IQANK1: variants seen among roughly 807,000 people sequenced by gnomAD.
IQANK1 encodes IQ motif and ankyrin repeat containing 1, also known as IQ motif and ankyrin repeat domain-containing protein 1.
IQANK1 carries 30 observed loss-of-function variants against 22.6 expected under a neutral mutation model. The observed-to-expected ratio is 1.33, with a 90% CI of 0.99 to 1.80. The LOEUF is 1.80. IQANK1 is among the 40% of genes most tolerant of loss of function. IQANK1 has a pLI of 0.00. For missense variants in IQANK1, 275 were observed against 235.2 expected, an observed-to-expected ratio of 1.17 and a Z score of -1.11; for synonymous variants, 122 against 99.6, an observed-to-expected ratio of 1.23 and a Z score of -1.34.
At chr8:143,768,966 C>T (rs1819526293) in intron 3 of IQANK1, among the ~76,000 whole-genome samples, 1 of 152,058 alleles carries the variant, frequency 6.6e-6, no homozygotes, top group African/African-American at 2.4e-5. Context: ...GATTCTGACC[C>T]AAATAGGGCT....
chr8:143,766,244 C>CT (rs1346111816), intron 3 of IQANK1, among the ~76,000 whole-genome samples: 4 of 152,168 alleles, frequency 2.6e-5, no homozygotes, highest in African/African-American at 9.7e-5. Context: ...GTGCTGCTGC[C>CT]TTTTTTCTTA....
rs1819576747 is a variant in IQANK1, at chr8:143,771,675, G to A, written c.306+57G>A. On this transcript the variant is annotated intron_variant, in intron 4 of 13. Transcript: ENST00000527139. This position sits in a 1 kb window ranked among gnomAD's most constrained non-coding sequence, Gnocchi z 6.0. ...CAGGCAGGAGGCAGGGGGAGGAAATGGCGAAGCAGGGTGCGTGGTGGGGGT... is the reference window on the plus strand; with the variant it reads ...CAGGCAGGAGGCAGGGGGAGGAAATAGCGAAGCAGGGTGCGTGGTGGGGGT... 5.0e-6 allele frequency: 2 copies of A among 399,180 alleles called. No individual in the cohort carries two copies. The highest frequency in any genetic ancestry group is 2.1e-5 in the African/African-American group (1 of 48,532). The allele number at this position is 399,180 out of a possible 1,614,324, so 24.7% of individuals were successfully genotyped here.
intron 2 of IQANK1, among the ~76,000 whole-genome samples, chr8:143,736,938 G>A (rs1189976166): frequency 6.6e-6 from 1 of 152,116 alleles, no homozygotes; most frequent in East Asian, 1.9e-4. Flanking sequence ...TGCTAAGAGA[G>A]CACCCCATCC....
In IQANK1 at chr8:143,790,144, CTTG is replaced by C; in HGVS notation, c.1300_1302del (p.Val434del). 1 of 1,232,058 alleles carries C rather than the reference CTTG, an allele frequency of 8.1e-7. No homozygotes were observed. The highest frequency in any genetic ancestry group is 4.1e-5 in the South Asian group (1 of 24,324). 76.3% of individuals were successfully genotyped at this position (1,232,058 alleles called of 1,614,324 possible). ...CCTGATGGGTGTCCCCAGGTGGCCT[CTTG>C]TTATTGACCCTTTGGGCCAGGCGGC... is the stretch of plus-strand genomic sequence containing the variant. On this transcript the variant is annotated inframe_deletion, in exon 13 of 14. Transcript: ENST00000527139.
intron 3 of IQANK1, among the ~76,000 whole-genome samples, chr8:143,751,664 G>GTGTGTGTGTATATATATATATATATATA (rs370428606): frequency 4.9e-5 from 3 of 61,550 alleles, no homozygotes; most frequent in Non-Finnish European, 1.1e-4. Flanking sequence ...GTGTGTGTGT[G>GTGTGTGTGTATATATATATATATATATA]TATATATATA....
intron 3 of IQANK1, among the ~76,000 whole-genome samples, chr8:143,740,281 C>A (rs1163656753): frequency 6.6e-6 from 1 of 152,046 alleles, no homozygotes; most frequent in Non-Finnish European, 1.5e-5. Context: ...CCCGGGTCCG[C>A]CGCGTCGTGC....
chr8:143,789,941 C>A, intron 11 of IQANK1, 30 bp from the exon 12 acceptor site: 7 of 1,232,004 alleles, frequency 5.7e-6, no homozygotes, highest in Non-Finnish European at 7.1e-6. Flanking sequence ...GTCGGGCTTG[C>A]CTGTCAGCTG....
intron 7 of IQANK1, among the ~76,000 whole-genome samples, chr8:143,788,678 C>T (rs1324707097): frequency 1.6e-4 from 24 of 152,240 alleles, no homozygotes; most frequent in African/African-American, 5.5e-4. Context: ...CAGGTTCCTG[C>T]TTGGACTTGG....
At chr8:143,767,919 T>C (rs1310563490) in intron 3 of IQANK1, among the ~76,000 whole-genome samples, 1 of 121,858 alleles carries the variant, frequency 8.2e-6, no homozygotes, top group African/African-American at 3.2e-5. Context: ...AGTCTCGCTC[T>C]GTCGCCCAGG....
At chr8:143,734,702 ACTGACT>A (rs1420235165) in intron 1 of IQANK1, among the ~76,000 whole-genome samples, 1 of 151,428 alleles carries the variant, frequency 6.6e-6, no homozygotes, top group Non-Finnish European at 1.5e-5. Context: ...CCATATTCAC[ACTGACT>A]CTGAGAGCAC....
At chr8:143,781,698 T>C (rs1819800492) in intron 7 of IQANK1, among the ~76,000 whole-genome samples, 1 of 152,190 alleles carries the variant, frequency 6.6e-6, no homozygotes, top group South Asian at 2.1e-4. Context: ...TGTAGTACCA[T>C]ACTGTTTTGG....
intron 3 of IQANK1, among the ~76,000 whole-genome samples, chr8:143,753,893 C>A (rs561212791): frequency 1.3e-5 from 2 of 152,158 alleles, no homozygotes; most frequent in East Asian, 1.9e-4. Flanking sequence ...GGAAATCAGA[C>A]TCTCCTCCTT....
chr8:143,742,130 TCCTCACAGAGCCA>T (rs1161345612), intron 3 of IQANK1: 86 of 347,802 alleles, frequency 2.5e-4, no homozygotes, highest in African/African-American at 1.7e-3. Context: ...TGTTCCCTGC[TCCTCACAGAGCCA>T]CCCCCAAGCC....
chr8:143,788,655 C>T (rs1220076276), intron 7 of IQANK1, among the ~76,000 whole-genome samples: 1 of 152,192 alleles, frequency 6.6e-6, no homozygotes, highest in Non-Finnish European at 1.5e-5. Context: ...CCTTGGAGGC[C>T]CAGCCACAGG....
At chr8:143,736,639 C>T (rs183197193) in intron 2 of IQANK1, among the ~76,000 whole-genome samples, 2 of 152,178 alleles carry the variant, frequency 1.3e-5, no homozygotes, top group Admixed American at 6.5e-5. Flanking sequence ...TGTTCTCTGA[C>T]TCTCTGCTCC....
At chr8:143,742,535 TC>T in intron 3 of IQANK1, 1 of 456,070 alleles carries the variant, frequency 2.2e-6, no homozygotes, top group Non-Finnish European at 4.4e-6. Context: ...AAACACCTTT[TC>T]CACCACGCAA....
Position 143,772,658 on chromosome 8 carries a change from G to A in IQANK1, c.789+176G>A, listed in dbSNP as rs1212651981. ...TCTGAAAGCTGTCAGAAGCCTGAGTGGCCTGCTAGAGCGGTTTCCTAGCCC... is the reference window on the plus strand; with the variant it reads ...TCTGAAAGCTGTCAGAAGCCTGAGTAGCCTGCTAGAGCGGTTTCCTAGCCC... On this transcript the variant is annotated intron_variant, in intron 7 of 13. Transcript: ENST00000527139. Among the ~76,000 whole-genome samples the A allele has an allele frequency of 2.0e-5, 3 of 152,200 alleles. No individual in the cohort carries two copies. In the South Asian group the frequency reaches 6.2e-4, roughly 31 times the overall value.
chr8:143,739,220 T>C (rs1554626110), intron 2 of IQANK1, among the ~76,000 whole-genome samples: 3 of 152,100 alleles, frequency 2.0e-5, no homozygotes, highest in African/African-American at 7.2e-5. Context: ...GCCGGCGTCC[T>C]CTGGGCTTCT....
At position 143,771,484 on chromosome 8, in the gene IQANK1, C is replaced by T. The variant is rs1177233698; in HGVS notation, c.176-4C>T. ...GCGCCCCCGTGAGCCTCTCCCCACC[C>T]CAGGGCCGGCCGAGGACCGAGCGGC... On this transcript the variant is annotated splice_polypyrimidine_tract_variant and splice_region_variant and intron_variant, in intron 3 of 13. Transcript: ENST00000527139. The surrounding 1 kb of genome is among the most constrained non-coding windows in gnomAD (Gnocchi z 6.0). 5.0e-6 allele frequency: 2 copies of T among 397,710 alleles called. No homozygotes were observed. Among genetic ancestry groups the T allele is most frequent in the East Asian group, 3.6e-5 (1 of 28,044 alleles). 24.6% of individuals were successfully genotyped at this position (397,710 alleles called of 1,614,324 possible). A position where few individuals can be genotyped will look rare whatever the true frequency, so the allele number is the denominator to read the frequency against.
Sources: gnomAD v4.1 joint callset for allele counts (sites outside exome capture counted in the v4.1 genomes callset) on GRCh38, gnomAD v4.1.1 for gene constraint, Gnocchi (gnomAD v3.1) non-coding constraint, MANE v1.5 for transcripts, NCBI Gene and HGNC (gene_info 2026-07-23, HGNC 2026-07-21) for gene names.